The following SAMMSON variants were observed in gnomAD, a reference collection of about 807,000 sequenced individuals.
SAMMSON encodes long intergenic non-protein coding RNA 1212.
intron 6 of SAMMSON, among the ~76,000 whole-genome samples, chr3:70,277,263 G>C (rs903319943): frequency 2.0e-5 from 3 of 152,148 alleles, no homozygotes; most frequent in African/African-American, 4.8e-5. Context: ...GAAAGTGTTA[G>C]TATATCATTT....
chr3:70,149,146 G>A (rs2067561540), intron 4 of SAMMSON, among the ~76,000 whole-genome samples: 1 of 152,052 alleles, frequency 6.6e-6, no homozygotes, highest in Admixed American at 6.6e-5. Flanking sequence ...TGAAAAGAGT[G>A]ACTCCCAGTT....
At chr3:70,267,570 T>TTTTTG (rs1559549240) in intron 6 of SAMMSON, among the ~76,000 whole-genome samples, 10 of 36,954 alleles carry the variant, frequency 2.7e-4, no homozygotes, top group Non-Finnish European at 6.2e-4. Flanking sequence ...GCCCGGCTAA[T>TTTTTG]TTTTTGTATT....
chr3:70,366,492 G>GTTTTTTTTTTTTTT, intron 9 of SAMMSON, among the ~76,000 whole-genome samples: 21 of 100,750 alleles, frequency 2.1e-4, no homozygotes, highest in African/African-American at 2.5e-4. Flanking sequence ...GTGTTTTTAT[G>GTTTTTTTTTTTTTT]TTTTTTTTTT....
intron 4 of SAMMSON, among the ~76,000 whole-genome samples, chr3:70,076,542 C>T (rs967974162): frequency 2.6e-5 from 4 of 152,032 alleles, no homozygotes; most frequent in Non-Finnish European, 4.4e-5. Flanking sequence ...ATGCAATTAG[C>T]GTGTGTGTGG....
intron 6 of SAMMSON, among the ~76,000 whole-genome samples, chr3:70,259,490 G>A (rs1701845918): frequency 6.6e-6 from 1 of 152,068 alleles, no homozygotes. Context: ...AGCACTTGAA[G>A]GGCAGGGAGT....
intron 6 of SAMMSON, among the ~76,000 whole-genome samples, chr3:70,256,018 A>G (rs1701812074): frequency 6.6e-6 from 1 of 152,236 alleles, no homozygotes; most frequent in Admixed American, 6.5e-5. Flanking sequence ...ACCAGTTTAT[A>G]GGTGTAATAG....
At chr3:70,277,257 G>A (rs1319923587) in intron 6 of SAMMSON, among the ~76,000 whole-genome samples, 2 of 152,146 alleles carry the variant, frequency 1.3e-5, no homozygotes, top group Non-Finnish European at 2.9e-5. Flanking sequence ...ATTGTTGAAA[G>A]TGTTAGTATA....
chr3:70,188,330 C>T (rs530608727), intron 4 of SAMMSON, among the ~76,000 whole-genome samples: 4 of 152,286 alleles, frequency 2.6e-5, no homozygotes, highest in African/African-American at 7.2e-5. Flanking sequence ...TAATACCTTT[C>T]TCAGAGATCA....
chr3:70,339,542 T>C (rs900303115), intron 7 of SAMMSON, among the ~76,000 whole-genome samples: 6 of 151,926 alleles, frequency 3.9e-5, no homozygotes, highest in Non-Finnish European at 7.4e-5. Flanking sequence ...ACAAAGAACT[T>C]AAACAAATTT....
chr3:70,049,347 T>A (rs182478037), intron 3 of SAMMSON, among the ~76,000 whole-genome samples: 49 of 152,238 alleles, frequency 3.2e-4, no homozygotes, highest in Admixed American at 3.0e-3. Flanking sequence ...AAATATGTCA[T>A]GAGGAACAAT....
intron 4 of SAMMSON, among the ~76,000 whole-genome samples, chr3:70,229,193 A>C (rs1701536201): frequency 6.6e-6 from 1 of 152,212 alleles, no homozygotes; most frequent in South Asian, 2.1e-4. Flanking sequence ...TACACATACA[A>C]GAAAAGAAAA....
intron 6 of SAMMSON, among the ~76,000 whole-genome samples, chr3:70,259,637 G>A (rs554271479): frequency 1.3e-5 from 2 of 152,148 alleles, no homozygotes; most frequent in Non-Finnish European, 2.9e-5. Flanking sequence ...CACCCTGAAA[G>A]TCTGACGTGT....
At chr3:70,135,145 C>T (rs1269160648) in intron 4 of SAMMSON, among the ~76,000 whole-genome samples, 1 of 152,040 alleles carries the variant, frequency 6.6e-6, no homozygotes, top group Non-Finnish European at 1.5e-5. Context: ...ATTTATTTGT[C>T]AATAAAACCT....
rs139219867 is a variant in SAMMSON at position 70,234,011 on chromosome 3, G to C, written n.508-15096G>C. On this transcript the variant is annotated intron_variant and non_coding_transcript_variant, in intron 4 of 9. Transcript: ENST00000642114. ...TAAAACTCTAGGAGTAAAATGCTGA[G>C]TCATGTGATAGGTGTGTGCCTTGCC... Among the ~76,000 whole-genome samples, 985 of 152,268 alleles carry C rather than the reference G, an allele frequency of 6.5e-3. 6 individuals are homozygous for C. Among genetic ancestry groups the C allele is most frequent in the African/African-American group, 0.023 (938 of 41,548 alleles).
intron 4 of SAMMSON, among the ~76,000 whole-genome samples, chr3:70,073,537 G>A (rs914082215): frequency 6.6e-6 from 1 of 151,752 alleles, no homozygotes; most frequent in Admixed American, 6.6e-5. Context: ...GAGTGTTACA[G>A]GAACACCCAG....
downstream of SAMMSON, among the ~76,000 whole-genome samples, chr3:70,392,011 C>G (rs1268074975): frequency 6.6e-6 from 1 of 152,120 alleles, no homozygotes; most frequent in Non-Finnish European, 1.5e-5. Flanking sequence ...ACAAGCCCAT[C>G]TGCTCACAAA....
At chr3:70,049,421 T>TG (rs1335644394) in intron 3 of SAMMSON, among the ~76,000 whole-genome samples, 1 of 152,168 alleles carries the variant, frequency 6.6e-6, no homozygotes, top group African/African-American at 2.4e-5. Context: ...TGTACATAAA[T>TG]GCATATCACA....
intron 7 of SAMMSON, among the ~76,000 whole-genome samples, chr3:70,311,576 A>G (rs749107440): frequency 1.3e-5 from 2 of 152,184 alleles, no homozygotes; most frequent in Non-Finnish European, 2.9e-5. Context: ...TATAAAGGAG[A>G]AAAATCTACA....
intron 3 of SAMMSON, among the ~76,000 whole-genome samples, chr3:70,045,025 T>TAG (rs2067119312): frequency 7.8e-6 from 1 of 128,930 alleles, no homozygotes; most frequent in African/African-American, 3.0e-5. Flanking sequence ...TAATTAATTA[T>TAG]AATATATATT....
Sources: allele counts gnomAD v4.1 joint callset (sites outside exome capture counted in the v4.1 genomes callset), GRCh38; gene constraint gnomAD v4.1.1; transcripts MANE v1.5; gene names NCBI Gene and HGNC (gene_info 2026-07-23, HGNC 2026-07-21).